The following HERC1 variants were observed in gnomAD, a reference collection of about 807,000 sequenced individuals.
HERC1 encodes the protein HECT and RLD domain containing E3 ubiquitin protein ligase family member 1.
A neutral mutation model predicts 554.3 loss-of-function variants in HERC1; 160 were observed. The observed-to-expected ratio is 0.29, with a 90% CI of 0.25 to 0.33. The LOEUF (loss-of-function observed/expected upper bound fraction) is 0.33, where lower values mean the gene tolerates loss of function less well. Ranked by LOEUF, HERC1 falls within the 10% of genes least tolerant of loss-of-function variation. The pLI is 1.00. For synonymous variants in HERC1, 2,175 were observed against 2,131.7 expected (o/e 1.02, Z -0.56); for missense variants, 4,919 against 5,918.5 (o/e 0.83, Z 5.54).
At chr15:63,822,440 G>A (rs1264408684) in intron 1 of HERC1, among the ~76,000 whole-genome samples, 1 of 152,026 alleles carries the variant, frequency 6.6e-6, no homozygotes, top group African/African-American at 2.4e-5. Context: ...ACAAAAATTA[G>A]CCGGGCGTGG....
At chr15:63,761,330 A>T (rs2075603697) in intron 3 of HERC1, among the ~76,000 whole-genome samples, 1 of 152,206 alleles carries the variant, frequency 6.6e-6, no homozygotes, top group Non-Finnish European at 1.5e-5. Flanking sequence ...CTGTAATACC[A>T]GTACTTTGGG....
chr15:63,615,765 C>T lies in HERC1; in HGVS notation c.14094+3G>A, dbSNP rs760873384. 1 of 1,581,128 alleles carries T rather than the reference C, an allele frequency of 6.3e-7. No homozygotes were observed. The highest frequency in any genetic ancestry group is 8.6e-7 in the Non-Finnish European group (1 of 1,167,150). On this transcript the variant is annotated splice_donor_region_variant and intron_variant, in intron 76 of 77. Transcript: ENST00000443617. Reference sequence around the variant, plus strand: ...GTGTACCTCCCGAGATGTTTCATCTCACCTGTCTGTCCATCTCATGAAGTC... The same window carrying T: ...GTGTACCTCCCGAGATGTTTCATCTTACCTGTCTGTCCATCTCATGAAGTC...
chr15:63,810,073 C>G (rs1023546303), intron 1 of HERC1, among the ~76,000 whole-genome samples: 1 of 152,106 alleles, frequency 6.6e-6, no homozygotes, highest in Non-Finnish European at 1.5e-5. Flanking sequence ...TGAGGAAGAT[C>G]TACAATTATT....
chr15:63,714,631 C>T (rs2073461405), intron 22 of HERC1, among the ~76,000 whole-genome samples: 1 of 145,376 alleles, frequency 6.9e-6, no homozygotes, highest in South Asian at 2.2e-4. Context: ...CTCACTGCAA[C>T]CTCCACCCCC....
chr15:63,622,908 A>C lies in HERC1; in HGVS notation c.13612-17T>G. 6.4e-7 allele frequency: 1 copy of C among 1,561,862 alleles called. No individual in the cohort carries two copies. The highest frequency in any genetic ancestry group is 8.7e-7 in the Non-Finnish European group (1 of 1,154,016). On this transcript the variant is annotated splice_polypyrimidine_tract_variant and intron_variant, in intron 73 of 77. Coordinates refer to ENST00000443617, the MANE Select transcript of HERC1 (RefSeq NM_003922.4). The stretch of plus-strand genomic sequence containing the variant: ...TTCAAGTTCCTGCAGAAGAAAGAAA[A>C]AAATTTTTTGAGAAATGACAATCAA...
chr15:63,775,381 G>A lies in HERC1; in HGVS notation c.243C>T (p.Ala81=). ...SSDEQDHYLD[A]LLSSQLALAK... ...CCAATGCTAGCTGGCTGCTAAGAAG[G>A]GCATCCAAATAGTGGTCCTGCTCAT... The change falls in exon 2 of 78, where the codon GCC becomes GCT. Residue 81 remains alanine (A), a synonymous_variant. Transcript: ENST00000443617. The surrounding 1 kb of genome is among the most constrained non-coding windows in gnomAD (Gnocchi z 4.0). 1 of 1,613,930 alleles carries A rather than the reference G, an allele frequency of 6.2e-7. No individual in the cohort carries two copies. Among genetic ancestry groups the A allele is most frequent in the African/African-American group, 1.3e-5 (1 of 75,040 alleles).
At chr15:63,796,684 G>A (rs1462252586) in intron 1 of HERC1, among the ~76,000 whole-genome samples, 2 of 152,304 alleles carry the variant, frequency 1.3e-5, no homozygotes, top group Non-Finnish European at 2.9e-5. Context: ...CTTGTAAAAT[G>A]TCCATTGATT....
At chr15:63,665,390 G>A (rs371141561) in intron 42 of HERC1, among the ~76,000 whole-genome samples, 5 of 152,090 alleles carry the variant, frequency 3.3e-5, no homozygotes, top group African/African-American at 7.2e-5. Flanking sequence ...AAAATGAGCC[G>A]GGCATGGTGG....
chr15:63,791,935 T>C (rs1034017918), intron 1 of HERC1, among the ~76,000 whole-genome samples: 4 of 152,232 alleles, frequency 2.6e-5, no homozygotes, highest in Admixed American at 1.3e-4. Context: ...AATCACTGAT[T>C]TAATCAACTG....
At chr15:63,811,489 C>G (rs755570734) in intron 1 of HERC1, among the ~76,000 whole-genome samples, 3 of 152,106 alleles carry the variant, frequency 2.0e-5, no homozygotes, top group Non-Finnish European at 2.9e-5. Context: ...ACAGCTGAAT[C>G]AGGCACAGCT....
intron 38 of HERC1, 23 bp downstream of exon 38, chr15:63,674,319 A>C (rs1257205575): frequency 1.9e-6 from 3 of 1,550,324 alleles, no homozygotes; most frequent in African/African-American, 2.8e-5. Flanking sequence ...AAAAGCAAAA[A>C]AAAAAAAAAT....
rs1018900464 is a variant in HERC1 at position 63,764,256 on chromosome 15, A to T, written c.931-65T>A. The T allele has an allele frequency of 5.5e-6, 6 of 1,093,764 alleles. No homozygotes were observed. In the South Asian group the frequency reaches 8.0e-5, roughly 15 times the overall value. The allele number at this position is 1,093,764 out of a possible 1,614,324, so 67.8% of individuals were successfully genotyped here. ...AGAGACATATGCATTAAAATTAGTT[A>T]AACAGTCTACAAAAACAACACCTAT... On this transcript the variant is annotated intron_variant, in intron 2 of 77. Transcript: ENST00000443617.
chr15:63,747,170 A>T, intron 11 of HERC1, 87 bp from the exon 12 acceptor site: 2 of 1,328,250 alleles, frequency 1.5e-6, no homozygotes, highest in South Asian at 2.8e-5. Context: ...ATCTTTAAAA[A>T]TTTTGTTGGC....
intron 70 of HERC1, among the ~76,000 whole-genome samples, chr15:63,627,049 C>T (rs1056570267): frequency 6.6e-6 from 1 of 152,178 alleles, no homozygotes; most frequent in Non-Finnish European, 1.5e-5. Flanking sequence ...TTACCTGTCA[C>T]ACTGGATAGC....
chr15:63,652,569 T>G, intron 51 of HERC1, 28 bp from the exon 52 acceptor site: 1 of 1,502,442 alleles, frequency 6.7e-7, no homozygotes. Context: ...GGTAGTCTAA[T>G]AATTTTCTAT....
intron 1 of HERC1, among the ~76,000 whole-genome samples, chr15:63,793,883 G>A (rs542593106): frequency 3.6e-4 from 55 of 152,086 alleles, no homozygotes; most frequent in Non-Finnish European, 6.8e-4. Flanking sequence ...ATTCCCAGAC[G>A]GTTAAGGCAT....
At chr15:63,824,533 C>CAAAA (rs34774319) in intron 1 of HERC1, among the ~76,000 whole-genome samples, 1 of 131,952 alleles carries the variant, frequency 7.6e-6, no homozygotes, top group Non-Finnish European at 1.6e-5. Context: ...GACTCCATCT[C>CAAAA]AAAAAAAAAA....
intron 27 of HERC1, 132 bp downstream of exon 27, chr15:63,695,992 A>T: frequency 1.5e-6 from 1 of 649,150 alleles, no homozygotes; most frequent in Non-Finnish European, 2.7e-6. Flanking sequence ...AATGGAACCA[A>T]GGAGCTATCT....
intron 1 of HERC1, among the ~76,000 whole-genome samples, chr15:63,813,422 A>T (rs2077395379): frequency 6.6e-6 from 1 of 151,946 alleles, no homozygotes; most frequent in African/African-American, 2.4e-5. Context: ...TATTCTTCTT[A>T]ATGTTTACAA....
Sources: gnomAD v4.1 joint callset for allele counts (sites outside exome capture counted in the v4.1 genomes callset) on GRCh38, gnomAD v4.1.1 for gene constraint, Gnocchi (gnomAD v3.1) non-coding constraint, MANE v1.5 for transcripts, NCBI Gene and HGNC (gene_info 2026-07-23, HGNC 2026-07-21) for gene names.